Variants in RBP7 observed in about 807,000 individuals in gnomAD.
The protein encoded by RBP7 is retinol binding protein 7.
RBP7 carries 13 observed loss-of-function variants against 16.7 expected under a neutral mutation model. The observed-to-expected ratio is 0.78, with a 90% CI of 0.51 to 1.24. The LOEUF is 1.24. RBP7 is among the 50% of genes most tolerant of loss of function. The pLI, the probability that RBP7 is intolerant of heterozygous loss-of-function variation, is 0.00. For missense variants in RBP7, 145 were observed against 159.5 expected, an observed-to-expected ratio of 0.91 and a Z score of 0.49; for synonymous variants, 54 against 56.2, an observed-to-expected ratio of 0.96 and a Z score of 0.17.
At chr1:10,004,637 G>A (rs1302111582) in intron 1 of RBP7, among the ~76,000 whole-genome samples, 1 of 152,212 alleles carries the variant, frequency 6.6e-6, no homozygotes, top group African/African-American at 2.4e-5. Flanking sequence ...TGGGATTACA[G>A]GCATGAGCAA....
rs1276713409 is a variant in RBP7 at position 9,997,252 on chromosome 1, C to T, written c.-7C>T. 2.5e-6 allele frequency: 4 copies of T among 1,609,010 alleles called. No individual in the cohort carries two copies. Among genetic ancestry groups the T allele is most frequent in the African/African-American group, 2.7e-5 (2 of 74,336 alleles). On this transcript the variant is annotated 5_prime_UTR_variant, in exon 1 of 4. Transcript: ENST00000294435. The surrounding 1 kb of genome is among the most constrained non-coding windows in gnomAD (Gnocchi z 5.9). ...CGCCCGCCGGGTTTGTCCCGCGATC[C>T]CCGACCATGCCCGCCGACCTCAGCG...
chr1:9,997,400 G>A lies in RBP7; in HGVS notation c.73+69G>A. 2 of 1,488,184 alleles carry A rather than the reference G, an allele frequency of 1.3e-6. No individual in the cohort carries two copies. Among genetic ancestry groups the A allele is most frequent in the Non-Finnish European group, 1.9e-6 (2 of 1,073,420 alleles). The allele number at this position is 1,488,184 out of a possible 1,614,324, so 92.2% of individuals were successfully genotyped here. On this transcript the variant is annotated intron_variant, in intron 1 of 3. Coordinates refer to ENST00000294435, the MANE Select transcript of RBP7 (RefSeq NM_052960.3). The surrounding 1 kb of genome is among the most constrained non-coding windows in gnomAD (Gnocchi z 5.9). ...GTCTCGGGATCAGGCGAAGGCGGCC[G>A]GGCCGGGCCTGTAGGTACGTCCTCT... is the stretch of plus-strand genomic sequence containing the variant.
intron 3 of RBP7, among the ~76,000 whole-genome samples, chr1:10,014,010 A>T (rs1164086455): frequency 6.6e-6 from 1 of 151,310 alleles, no homozygotes; most frequent in Non-Finnish European, 1.5e-5. Context: ...GTCTCCAAAT[A>T]AAAAAAAAGA....
intron 1 of RBP7, among the ~76,000 whole-genome samples, chr1:10,005,463 A>C (rs913689107): frequency 1.6e-4 from 24 of 152,008 alleles, no homozygotes; most frequent in African/African-American, 5.6e-4. Flanking sequence ...TGGCCTCCAG[A>C]AGTGTTGGGA....
At chr1:10,003,684 G>A (rs547658961) in intron 1 of RBP7, among the ~76,000 whole-genome samples, 1 of 152,288 alleles carries the variant, frequency 6.6e-6, no homozygotes, top group East Asian at 1.9e-4. Flanking sequence ...TCCCCGCTCT[G>A]GGGCTCACCT....
chr1:10,004,679 G>A (rs1187361405), intron 1 of RBP7, among the ~76,000 whole-genome samples: 2 of 152,192 alleles, frequency 1.3e-5, no homozygotes, highest in Non-Finnish European at 1.5e-5. Context: ...TTTTAAAAGC[G>A]TAACTCTAAA....
intron 1 of RBP7, among the ~76,000 whole-genome samples, chr1:10,001,497 G>A (rs769823882): frequency 6.6e-6 from 1 of 152,062 alleles, no homozygotes; most frequent in Non-Finnish European, 1.5e-5. Flanking sequence ...TGTAGAGACG[G>A]TGTCTTGCTG....
At chr1:10,011,076 T>G (rs1222051900) in intron 3 of RBP7, among the ~76,000 whole-genome samples, 1 of 152,198 alleles carries the variant, frequency 6.6e-6, no homozygotes, top group Admixed American at 6.6e-5. Context: ...TACAAAGCTG[T>G]TTTATGAGTT....
intron 3 of RBP7, among the ~76,000 whole-genome samples, chr1:10,010,050 C>T (rs1371356274): frequency 6.6e-6 from 1 of 152,132 alleles, no homozygotes; most frequent in Non-Finnish European, 1.5e-5. Flanking sequence ...CAGTTTCAGA[C>T]AAGTCAATCA....
chr1:10,006,928 C>T (rs1642458293), intron 1 of RBP7: 1 of 437,302 alleles, frequency 2.3e-6, no homozygotes, highest in Non-Finnish European at 4.5e-6. Context: ...GGGCCTAAGC[C>T]CTGTCCCTTT....
chr1:10,001,965 A>G (rs1484719889), intron 1 of RBP7, among the ~76,000 whole-genome samples: 5 of 152,024 alleles, frequency 3.3e-5, no homozygotes, highest in African/African-American at 1.2e-4. Flanking sequence ...AGTAGCTGGG[A>G]TTACAGGCAC....
At chr1:10,009,751 C>G (rs942639058) in intron 3 of RBP7, among the ~76,000 whole-genome samples, 1 of 151,962 alleles carries the variant, frequency 6.6e-6, no homozygotes, top group Non-Finnish European at 1.5e-5. Flanking sequence ...AGGCTGGTCT[C>G]GAACTCCTGA....
intron 3 of RBP7, among the ~76,000 whole-genome samples, chr1:10,010,883 CA>C (rs1249935502): frequency 5.3e-5 from 8 of 152,052 alleles, no homozygotes; most frequent in Non-Finnish European, 4.4e-5. Flanking sequence ...CATGCCCGGC[CA>C]TGCCCAGCTA....
At chr1:10,006,726 CGTGTGTGTGT>C (rs139188536) in intron 1 of RBP7, among the ~76,000 whole-genome samples, 2 of 129,538 alleles carry the variant, frequency 1.5e-5, no homozygotes, top group African/African-American at 5.9e-5. Context: ...AAAGTATATA[CGTGTGTGTGT>C]GTGTGTGTGT....
At chr1:10,004,928 G>A (rs1642398628) in intron 1 of RBP7, among the ~76,000 whole-genome samples, 1 of 152,120 alleles carries the variant, frequency 6.6e-6, no homozygotes, top group Non-Finnish European at 1.5e-5. Flanking sequence ...GGGAAGCAAA[G>A]GCTGCAGTGA....
At position 10,014,677 on chromosome 1, in the gene RBP7, G is replaced by A. The variant is rs113167679; in HGVS notation, c.355-1105G>A. ...GCTGGGATTACAGGCATGTGCGCCC[G>A]GCCCCATCAGGCTGTTTCTGAGTTG... On this transcript the variant is annotated intron_variant, in intron 3 of 3. Transcript: ENST00000294435. Among the ~76,000 whole-genome samples, 609 of 152,124 alleles carry A rather than the reference G, an allele frequency of 4.0e-3. 4 individuals carry two copies. The highest frequency in any genetic ancestry group is 0.014 in the African/African-American group (583 of 41,522).
In RBP7 at chr1:10,015,848, A is replaced by AG; in HGVS notation, c.*17dup. 2.5e-6 allele frequency: 4 copies of AG among 1,613,186 alleles called. No individual in the cohort carries two copies. Among genetic ancestry groups the AG allele is most frequent in the Non-Finnish European group, 3.4e-6 (4 of 1,179,160 alleles). The stretch of plus-strand genomic sequence containing the variant: ...GAGAGCCTGATCCACATCCAGCAGC[A>AG]GAGCCCACTTGTGGCTGCAGCTTTA... On this transcript the variant is annotated 3_prime_UTR_variant, in exon 4 of 4. Coordinates refer to ENST00000294435, the MANE Select transcript of RBP7 (RefSeq NM_052960.3).
intron 1 of RBP7, among the ~76,000 whole-genome samples, chr1:9,999,440 T>C (rs181857771): frequency 0.017 from 2,526 of 151,758 alleles, 43 homozygotes; most frequent in African/African-American, 0.036. Context: ...TAATCCCAGC[T>C]ACTTTGGGAG....
chr1:10,010,887 C>T (rs574525087), intron 3 of RBP7, among the ~76,000 whole-genome samples: 1 of 152,080 alleles, frequency 6.6e-6, no homozygotes, highest in African/African-American at 2.4e-5. Flanking sequence ...CCCGGCCATG[C>T]CCAGCTAATT....
Sources: allele counts gnomAD v4.1 joint callset (sites outside exome capture counted in the v4.1 genomes callset), GRCh38; gene constraint gnomAD v4.1.1; non-coding constraint Gnocchi (gnomAD v3.1); transcripts MANE v1.5; gene names NCBI Gene and HGNC (gene_info 2026-07-23, HGNC 2026-07-21).